LMBR1: variants seen among roughly 807,000 people sequenced by gnomAD.
The protein encoded by LMBR1 is limb development membrane protein 1, also known as limb region 1 protein homolog.
LMBR1 carries 52 observed loss-of-function variants against 73.9 expected under a neutral mutation model. The observed-to-expected ratio is 0.70, with a 90% confidence interval of 0.56 to 0.89. The LOEUF (loss-of-function observed/expected upper bound fraction) is 0.89. Ranked by LOEUF, LMBR1 falls within the 40% of genes least tolerant of loss-of-function variation. LMBR1 has a pLI of 0.00. For missense variants in LMBR1, 539 were observed against 579.8 expected, an observed-to-expected ratio of 0.93 and a Z score of 0.72; for synonymous variants, 215 against 209.4, an observed-to-expected ratio of 1.03 and a Z score of -0.23.
intron 1 of LMBR1, among the ~76,000 whole-genome samples, chr7:156,891,117 G>A (rs866154111): frequency 3.4e-5 from 5 of 148,412 alleles, no homozygotes; most frequent in South Asian, 2.1e-4. Context: ...CTTGAATCCC[G>A]GAGGCAGAGG....
chr7:156,883,053 T>A (rs1480040098), intron 1 of LMBR1, among the ~76,000 whole-genome samples: 1 of 149,360 alleles, frequency 6.7e-6, no homozygotes, highest in Non-Finnish European at 1.5e-5. Context: ...AATTTTTTGT[T>A]AAGAGGGTAG....
At chr7:156,825,940 G>A (rs73166177) in intron 4 of LMBR1, among the ~76,000 whole-genome samples, 6,002 of 152,256 alleles carry the variant, frequency 0.039, 175 homozygotes, top group Non-Finnish European at 0.049. Context: ...AATGACTAAA[G>A]AAACTACTAG....
intron 5 of LMBR1, among the ~76,000 whole-genome samples, chr7:156,792,718 G>T (rs775554447): frequency 6.6e-6 from 1 of 152,224 alleles, no homozygotes; most frequent in Non-Finnish European, 1.5e-5. Context: ...AGAGAATTCT[G>T]CTTAATTTGA....
intron 12 of LMBR1, among the ~76,000 whole-genome samples, chr7:156,727,210 C>A (rs1320436684): frequency 1.3e-5 from 2 of 152,148 alleles, no homozygotes; most frequent in Non-Finnish European, 2.9e-5. Flanking sequence ...TGGAATTATG[C>A]TATCTCAAGA....
chr7:156,684,161 G>A lies in LMBR1; in HGVS notation c.1390C>T (p.Leu464Phe), dbSNP rs1444445309. The change falls in exon 17 of 17, where the codon CTT becomes TTT. Residue 464 changes from leucine (L) to phenylalanine (F), a missense_variant and splice_region_variant. Transcript: ENST00000353442. ...GTATTTGGTAAGTGAAGTTTATGAAGCCCTGCAAAAAAATTAAGAAAATGG... is the reference window on the plus strand; with the variant it reads ...GTATTTGGTAAGTGAAGTTTATGAAACCCTGCAAAAAAATTAAGAAAATGG... The part of the protein sequence containing the change: ...VREELFKALG[L>F]HKLHLPNTSR... 17 of 1,612,894 alleles carry A rather than the reference G, an allele frequency of 1.1e-5. No homozygotes were observed. Among genetic ancestry groups the A allele is most frequent in the Middle Eastern group, 1.6e-4 (1 of 6,084 alleles).
intron 5 of LMBR1, chr7:156,779,602 G>A (rs1433740964): frequency 3.1e-6 from 3 of 960,614 alleles, no homozygotes; most frequent in Non-Finnish European, 4.2e-6. Context: ...TTTTGTGCTG[G>A]TCAATTATAC....
At position 156,682,329 on chromosome 7, in the gene LMBR1, T is replaced by C. The variant is rs1805203465; in HGVS notation, c.*1749A>G. 6.6e-6 allele frequency: 1 copy of C among 152,254 alleles called. No individual in the cohort carries two copies. Among genetic ancestry groups the C allele is most frequent in the Non-Finnish European group, 1.5e-5 (1 of 68,040 alleles). 9.4% of individuals were successfully genotyped at this position (152,254 alleles called of 1,614,324 possible). A position where few individuals can be genotyped will look rare whatever the true frequency, so the allele number is the denominator to read the frequency against. ...TGATATTACTCTACTCCTGAGTTTCTTTCTGTTCTTCCCTTCACTTGGTCT... is the reference window on the plus strand; with the variant it reads ...TGATATTACTCTACTCCTGAGTTTCCTTCTGTTCTTCCCTTCACTTGGTCT... On this transcript the variant is annotated 3_prime_UTR_variant, in exon 17 of 17. Coordinates refer to ENST00000353442, the MANE Select transcript of LMBR1 (RefSeq NM_022458.4).
rs1805481992 is a variant in LMBR1, at chr7:156,683,985, A to G, written c.*93T>C. The stretch of plus-strand genomic sequence containing the variant: ...TAGGTCTAGGTTCTGAAGAGGGGCC[A>G]CGGTTGAATGGAAATGCTTCTACAT... On this transcript the variant is annotated 3_prime_UTR_variant, in exon 17 of 17. Coordinates refer to ENST00000353442, the MANE Select transcript of LMBR1 (RefSeq NM_022458.4). 2.9e-6 allele frequency: 3 copies of G among 1,028,836 alleles called. No homozygotes were observed. The highest frequency in any genetic ancestry group is 3.0e-6 in the Non-Finnish European group (2 of 668,208). 63.7% of individuals were successfully genotyped at this position (1,028,836 alleles called of 1,614,324 possible).
At chr7:156,817,904 T>C (rs1372959198) in intron 4 of LMBR1, among the ~76,000 whole-genome samples, 1 of 152,170 alleles carries the variant, frequency 6.6e-6, no homozygotes, top group Non-Finnish European at 1.5e-5. Context: ...TCATCTATAA[T>C]GTCCAGAAAA....
intron 5 of LMBR1, among the ~76,000 whole-genome samples, chr7:156,783,228 G>C (rs1048735045): frequency 2.6e-5 from 4 of 152,136 alleles, no homozygotes; most frequent in Admixed American, 1.3e-4. Context: ...GTGAAGTGCA[G>C]TGGTACAATC....
At position 156,837,274 on chromosome 7, in the gene LMBR1, G is replaced by A. The variant is rs146678824; in HGVS notation, c.67-389C>T. ...CTCTTCAACGCAGGAGGCGGAGGTT[G>A]CAATGAACCAAGATCACACCATCGC... On this transcript the variant is annotated intron_variant, in intron 1 of 16. Coordinates refer to ENST00000353442, the MANE Select transcript of LMBR1 (RefSeq NM_022458.4). 7.1e-4 allele frequency among the ~76,000 whole-genome samples: 107 copies of A among 150,488 alleles called. 1 individual carries two copies. Among genetic ancestry groups the A allele is most frequent in the African/African-American group, 2.5e-3 (103 of 40,920 alleles).
At chr7:156,861,035 C>T (rs945687766) in intron 1 of LMBR1, among the ~76,000 whole-genome samples, 3 of 152,234 alleles carry the variant, frequency 2.0e-5, no homozygotes, top group African/African-American at 7.2e-5. Context: ...CCTCTTCTCA[C>T]AGCTCCACTA....
At chr7:156,866,667 G>A (rs1177371436) in intron 1 of LMBR1, among the ~76,000 whole-genome samples, 3 of 127,288 alleles carry the variant, frequency 2.4e-5, no homozygotes, top group Non-Finnish European at 5.0e-5. Flanking sequence ...GTGCAGTGGC[G>A]CAAACTTGGC....
chr7:156,855,915 C>T (rs1049296611), intron 1 of LMBR1, among the ~76,000 whole-genome samples: 1 of 152,080 alleles, frequency 6.6e-6, no homozygotes, highest in African/African-American at 2.4e-5. Context: ...AGTTCTGTAT[C>T]CAGCAAAATT....
At chr7:156,840,166 C>T (rs376487349) in intron 1 of LMBR1, among the ~76,000 whole-genome samples, 61 of 152,236 alleles carry the variant, frequency 4.0e-4, no homozygotes, top group African/African-American at 1.4e-3. Context: ...TTGCTATATA[C>T]CAGGCACTCT....
intron 5 of LMBR1, among the ~76,000 whole-genome samples, chr7:156,771,248 T>C (rs879617997): frequency 2.6e-5 from 4 of 151,732 alleles, no homozygotes; most frequent in Non-Finnish European, 4.4e-5. Flanking sequence ...CTGAATGAAA[T>C]AGAGACACGA....
chr7:156,716,986 A>G (rs1395855117), intron 15 of LMBR1, among the ~76,000 whole-genome samples: 3 of 151,914 alleles, frequency 2.0e-5, no homozygotes, highest in Non-Finnish European at 4.4e-5. Context: ...AAAAATTAAA[A>G]AGTTTAGCTG....
chr7:156,805,053 T>TA (rs1442075203), intron 4 of LMBR1, among the ~76,000 whole-genome samples: 1 of 152,066 alleles, frequency 6.6e-6, no homozygotes, highest in Non-Finnish European at 1.5e-5. Context: ...TGCCTATAAT[T>TA]AAAAAATTGT....
intron 15 of LMBR1, among the ~76,000 whole-genome samples, chr7:156,691,432 C>T (rs1047631937): frequency 5.9e-5 from 9 of 152,008 alleles, no homozygotes; most frequent in African/African-American, 2.2e-4. Context: ...CTATTCATAC[C>T]TATAAAAGAA....
Sources: gnomAD v4.1 joint callset for allele counts (sites outside exome capture counted in the v4.1 genomes callset) on GRCh38, gnomAD v4.1.1 for gene constraint, MANE v1.5 for transcripts, NCBI Gene and HGNC (gene_info 2026-07-23, HGNC 2026-07-21) for gene names.